PAXIP1: variants seen among roughly 807,000 people sequenced by gnomAD.
The protein encoded by PAXIP1 is PAX-interacting protein 1.
In PAXIP1, 19 loss-of-function variants were observed where a neutral mutation model predicts 140.6. That is an observed-to-expected ratio of 0.14 (90% CI 0.09 to 0.20). The LOEUF (loss-of-function observed/expected upper bound fraction) is 0.20. Among genes scored for constraint, PAXIP1 ranks in the 10% least tolerant of loss-of-function variants. The pLI, the probability that PAXIP1 is intolerant of heterozygous loss-of-function variation, is 1.00. For missense variants in PAXIP1, 920 were observed against 1,208.6 expected (o/e 0.76, Z 3.54); for synonymous variants, 442 against 444.6 (o/e 0.99, Z 0.07).
intron 5 of PAXIP1, among the ~76,000 whole-genome samples, chr7:154,982,981 G>A (rs1226231067): frequency 7.1e-6 from 1 of 141,736 alleles, no homozygotes; most frequent in Non-Finnish European, 1.6e-5. Context: ...AAATTTTCCT[G>A]TTTTCCGCAT....
intron 1 of PAXIP1, among the ~76,000 whole-genome samples, chr7:154,999,002 C>T (rs1354125859): frequency 4.6e-5 from 7 of 152,190 alleles, no homozygotes; most frequent in Non-Finnish European, 2.9e-5. Flanking sequence ...AAGTCAATGA[C>T]CAAGTAATGG....
chr7:154,970,856 T>A (rs2150759991), intron 6 of PAXIP1, among the ~76,000 whole-genome samples: 1 of 152,360 alleles, frequency 6.6e-6, no homozygotes, highest in South Asian at 2.1e-4. Flanking sequence ...ATTTGAATTT[T>A]TGAATTTTGT....
At chr7:154,957,973 CAAAAAAA>C (rs35027196) in intron 13 of PAXIP1, among the ~76,000 whole-genome samples, 2 of 91,740 alleles carry the variant, frequency 2.2e-5, no homozygotes, top group South Asian at 4.0e-4. Context: ...GACTCCGTCT[CAAAAAAA>C]AAAAAAAAAA....
In PAXIP1 at chr7:154,968,858, A is replaced by G. The variant is rs2150757625; in HGVS notation, c.1343T>C (p.Phe448Ser). The G allele has an allele frequency of 4.9e-6, 4 of 815,738 alleles. No homozygotes were observed. Among genetic ancestry groups the G allele is most frequent in the Non-Finnish European group, 8.4e-6 (4 of 477,822 alleles). The allele number at this position is 815,738 out of a possible 1,614,324, so 50.5% of individuals were successfully genotyped here. A position where few individuals can be genotyped will look rare whatever the true frequency, so the allele number is the denominator to read the frequency against. The change falls in exon 7 of 21, where the codon TTT (phenylalanine) becomes TCT (serine). Residue 448 changes from phenylalanine to serine, a missense_variant. Transcript: ENST00000404141. ...QPYPQQPPHPFSQQQQQQQQA... is the reference protein window; with the variant it reads ...QPYPQQPPHPSSQQQQQQQQA... ...CTGCTGCTGCTGCTGTTGCTGTGAA[A>G]ATGGATGCGGCGGCTGCTGGGGGTA... is the stretch of plus-strand genomic sequence containing the variant.
intron 2 of PAXIP1, among the ~76,000 whole-genome samples, chr7:154,994,175 G>GTGTT (rs1434290479): frequency 6.6e-6 from 1 of 152,110 alleles, no homozygotes; most frequent in African/African-American, 2.4e-5. Flanking sequence ...AATTCATGAG[G>GTGTT]TGTTTGTTTG....
At chr7:154,994,516 A>G (rs1810484198) in intron 2 of PAXIP1, among the ~76,000 whole-genome samples, 1 of 152,168 alleles carries the variant, frequency 6.6e-6, no homozygotes, top group Admixed American at 6.5e-5. Context: ...TTTATTGAGA[A>G]TCTATTTTAT....
intron 2 of PAXIP1, among the ~76,000 whole-genome samples, chr7:154,997,482 T>G (rs1417496113): frequency 6.6e-6 from 1 of 152,172 alleles, no homozygotes; most frequent in Non-Finnish European, 1.5e-5. Context: ...ACTGATTTCT[T>G]TTTAAGGCAA....
rs1808798408 is a variant in PAXIP1 at position 154,962,484 on chromosome 7, G to A, written c.1990-26C>T. On this transcript the variant is annotated intron_variant, in intron 9 of 20. Transcript: ENST00000404141. ...CTGTCAAACATAAAATTATAGGTTT[G>A]TTGTTTTTGTTTTTCTGCTGCAGGA... 7 of 1,593,678 alleles carry A rather than the reference G, an allele frequency of 4.4e-6. No homozygotes were observed. In the East Asian group the frequency reaches 1.3e-4, roughly 31 times the overall value.
Position 154,998,351 on chromosome 7 carries a change from T to C in PAXIP1, c.216+299A>G, listed in dbSNP as rs569058063. Among the ~76,000 whole-genome samples the C allele has an allele frequency of 1.5e-4, 23 of 152,042 alleles. No individual in the cohort carries two copies. In the South Asian group the frequency reaches 4.4e-3, roughly 29 times the overall value. ...TGTTGAAACCCTGTCTCTACTAGAA[T>C]ACAAAAATTAGCCAGGCGTGGTGGC... On this transcript the variant is annotated intron_variant, in intron 2 of 20. Transcript: ENST00000404141.
chr7:154,976,405 GA>G, intron 5 of PAXIP1, 74 bp from the exon 6 acceptor site: 1 of 1,506,652 alleles, frequency 6.6e-7, no homozygotes, highest in Non-Finnish European at 8.8e-7. Context: ...ACGCATTTTA[GA>G]AAAAACTCAG....
rs1808849063 is a variant in PAXIP1 at position 154,963,241 on chromosome 7, T to C, written c.1989+430A>G. ...CTCAGGCTGGAGTGCAGTGGTGGAATCTTGGCTCACTGCAACCTCTACCTC... is the reference window on the plus strand; with the variant it reads ...CTCAGGCTGGAGTGCAGTGGTGGAACCTTGGCTCACTGCAACCTCTACCTC... On this transcript the variant is annotated intron_variant, in intron 9 of 20. Coordinates refer to ENST00000404141, the MANE Select transcript of PAXIP1 (RefSeq NM_007349.4). The surrounding 1 kb of genome is among the most constrained non-coding windows in gnomAD (Gnocchi z 4.1). Among the ~76,000 whole-genome samples the C allele has an allele frequency of 6.6e-6, 1 of 152,076 alleles. No homozygotes were observed. The highest frequency in any genetic ancestry group is 2.4e-5 in the African/African-American group (1 of 41,406).
intron 6 of PAXIP1, chr7:154,974,218 A>G (rs146664582): frequency 6.6e-6 from 1 of 152,394 alleles, no homozygotes; most frequent in East Asian, 1.9e-4. Context: ...CTCAAGCCAG[A>G]AAGCTGGATC....
chr7:154,953,221 C>T (rs1225146082), intron 16 of PAXIP1, among the ~76,000 whole-genome samples: 1 of 152,164 alleles, frequency 6.6e-6, no homozygotes, highest in Non-Finnish European at 1.5e-5. Context: ...ACTTGCTCTT[C>T]CCTTTGGCAG....
rs151102688 is a variant in PAXIP1, at chr7:154,968,898, TCTGCTGCTGCTG to T, written c.1291_1302del (p.Gln431_Gln434del). 8 of 1,157,050 alleles carry T rather than the reference TCTGCTGCTGCTG, an allele frequency of 6.9e-6. No homozygotes were observed. Among genetic ancestry groups the T allele is most frequent in the Non-Finnish European group, 1.0e-5 (8 of 795,376 alleles). 71.7% of individuals were successfully genotyped at this position (1,157,050 alleles called of 1,614,324 possible). On this transcript the variant is annotated inframe_deletion, in exon 7 of 21. Coordinates refer to ENST00000404141, the MANE Select transcript of PAXIP1 (RefSeq NM_007349.4). Reference sequence around the variant, plus strand: ...TGCTGGGGGTAAGGTTGCTGAGAGATCTGCTGCTGCTGCTGCTGCTGGAGCTGCATTATCTGC... The same window carrying T: ...TGCTGGGGGTAAGGTTGCTGAGAGATCTGCTGCTGGAGCTGCATTATCTGC...
chr7:154,969,381 C>A (rs1257452888), intron 6 of PAXIP1, among the ~76,000 whole-genome samples: 3 of 152,198 alleles, frequency 2.0e-5, no homozygotes, highest in Non-Finnish European at 4.4e-5. Context: ...AGTAAACTAA[C>A]GAATTAAAGT....
chr7:154,983,670 T>A, intron 4 of PAXIP1: 1 of 190,316 alleles, frequency 5.3e-6, no homozygotes, highest in South Asian at 1.1e-4. Flanking sequence ...AGAACTAGTA[T>A]GCCATTCCAG....
At chr7:154,962,597 A>G in intron 9 of PAXIP1, 139 bp from the exon 10 acceptor site, 1 of 664,176 alleles carries the variant, frequency 1.5e-6, no homozygotes, top group South Asian at 2.3e-5. Context: ...GCACTTGATT[A>G]AAGTAACGAA....
At chr7:154,998,049 T>A (rs1810719407) in intron 2 of PAXIP1, among the ~76,000 whole-genome samples, 1 of 152,172 alleles carries the variant, frequency 6.6e-6, no homozygotes, top group South Asian at 2.1e-4. Context: ...TTCCAGGCAG[T>A]GGTAACGTGG....
intron 6 of PAXIP1, among the ~76,000 whole-genome samples, chr7:154,974,877 G>A (rs928454094): frequency 6.6e-5 from 10 of 151,876 alleles, no homozygotes; most frequent in East Asian, 5.8e-4. Context: ...ATGCGTGGTG[G>A]CTCACACCTG....
Sources: gnomAD v4.1 joint callset for allele counts (sites outside exome capture counted in the v4.1 genomes callset) on GRCh38, gnomAD v4.1.1 for gene constraint, Gnocchi (gnomAD v3.1) non-coding constraint, MANE v1.5 for transcripts, NCBI Gene and HGNC (gene_info 2026-07-23, HGNC 2026-07-21) for gene names.